DCLK1: variants seen among roughly 807,000 people sequenced by gnomAD.
The protein encoded by DCLK1 is doublecortin like kinase 1.
A neutral mutation model predicts 86.2 loss-of-function variants in DCLK1; 16 were observed. That is an observed-to-expected ratio of 0.19 (90% CI 0.13 to 0.28). DCLK1 has a LOEUF of 0.28. DCLK1 is among the 10% of genes least tolerant of loss of function. DCLK1 has a pLI of 1.00. For missense variants in DCLK1, 590 were observed against 940.2 expected (o/e 0.63, Z 4.87); for synonymous variants, 369 against 370.5 (o/e 1.00, Z 0.05).
chr13:36,121,182 A>G (rs1180446375), intron 2 of DCLK1, among the ~76,000 whole-genome samples: 2 of 152,264 alleles, frequency 1.3e-5, no homozygotes, highest in Non-Finnish European at 2.9e-5. Flanking sequence ...TGAAGTCAGT[A>G]AAAGAACACA....
At chr13:35,777,992 C>G (rs78491768) in intron 16 of DCLK1, among the ~76,000 whole-genome samples, 3,413 of 152,294 alleles carry the variant, frequency 0.022, 121 homozygotes, top group African/African-American at 0.076. Context: ...CAAGGTCAAG[C>G]GTTGGACATC....
rs184900461 is a variant in DCLK1 at position 36,074,621 on chromosome 13, G to A, written c.723+37248C>T. ...CAAGTGACTGAAAAAATAGAGTTGA[G>A]GACAAAGATGCTCTAAAATGCTACA... On this transcript the variant is annotated intron_variant, in intron 3 of 16. Transcript: ENST00000360631. Among the ~76,000 whole-genome samples, 153 of 151,782 alleles carry A rather than the reference G, an allele frequency of 1.0e-3. 1 individual carries two copies. Among genetic ancestry groups the A allele is most frequent in the Non-Finnish European group, 1.6e-3 (110 of 67,964 alleles).
chr13:35,822,054 T>C (rs752126641), intron 11 of DCLK1, among the ~76,000 whole-genome samples: 4 of 152,172 alleles, frequency 2.6e-5, no homozygotes, highest in African/African-American at 9.7e-5. Context: ...GATCATATTA[T>C]TGAGCTGTAA....
At chr13:35,935,838 C>A (rs999129888) in intron 4 of DCLK1, among the ~76,000 whole-genome samples, 5 of 152,100 alleles carry the variant, frequency 3.3e-5, no homozygotes, top group African/African-American at 1.2e-4. Flanking sequence ...CATCTCCAAG[C>A]CTTAATTTCC....
intron 16 of DCLK1, among the ~76,000 whole-genome samples, chr13:35,783,206 T>C (rs1023382356): frequency 6.6e-6 from 1 of 152,274 alleles, no homozygotes; most frequent in Non-Finnish European, 1.5e-5. Flanking sequence ...AAACAGTTTA[T>C]GATTCTACTT....
In DCLK1 at chr13:35,769,057, C is replaced by T. The variant is rs1461379436; in HGVS notation, c.*5478G>A. The stretch of plus-strand genomic sequence containing the variant: ...AAAAACAGGCAACATCAAAAAAGCT[C>T]AGTTGATAAATGAACATAATATATC... On this transcript the variant is annotated 3_prime_UTR_variant, in exon 17 of 17. Transcript: ENST00000360631. The T allele has an allele frequency of 6.6e-6, 1 of 152,182 alleles. No individual in the cohort carries two copies. The highest frequency in any genetic ancestry group is 1.5e-5 in the Non-Finnish European group (1 of 68,020). The allele number at this position is 152,182 out of a possible 1,614,324, so 9.4% of individuals were successfully genotyped here.
intron 4 of DCLK1, among the ~76,000 whole-genome samples, chr13:35,924,834 C>A (rs572634983): frequency 2.0e-5 from 3 of 152,286 alleles, no homozygotes; most frequent in East Asian, 1.9e-4. Flanking sequence ...AAAGCCAAAC[C>A]TGGCCCATTG....
In DCLK1 at chr13:35,864,292, G is replaced by A. The variant is rs755751317; in HGVS notation, c.940+6932C>T. On this transcript the variant is annotated intron_variant, in intron 5 of 16. Coordinates refer to ENST00000360631, the MANE Select transcript of DCLK1 (RefSeq NM_001330071.2). Reference sequence around the variant, plus strand: ...TAAAAAGTTGGCTATCTGGCCGGGCGCGGTGGCTCACGCCTGTAATCCCAG... The same window carrying A: ...TAAAAAGTTGGCTATCTGGCCGGGCACGGTGGCTCACGCCTGTAATCCCAG... Among the ~76,000 whole-genome samples the A allele has an allele frequency of 3.5e-4, 26 of 75,168 alleles. 6 individuals carry two copies. The highest frequency in any genetic ancestry group is 5.5e-4 in the Non-Finnish European group (21 of 38,374). 49.3% of individuals were successfully genotyped at this position (75,168 alleles called of 152,430 possible). A position where few individuals can be genotyped will look rare whatever the true frequency, so the allele number is the denominator to read the frequency against.
At chr13:35,885,579 G>T (rs574632898) in intron 4 of DCLK1, among the ~76,000 whole-genome samples, 1 of 152,126 alleles carries the variant, frequency 6.6e-6, no homozygotes, top group Non-Finnish European at 1.5e-5. Context: ...TAATCAAGAG[G>T]TTTTACTTTC....
chr13:35,894,164 T>G (rs1750907), intron 4 of DCLK1, among the ~76,000 whole-genome samples: 150,838 of 152,176 alleles, frequency 0.99, 74,772 homozygotes, highest in Middle Eastern at 1. Flanking sequence ...ACCAAACCCT[T>G]GTATCTGAAA....
intron 3 of DCLK1, among the ~76,000 whole-genome samples, chr13:35,956,915 C>G (rs554916704): frequency 4.9e-4 from 74 of 152,270 alleles, no homozygotes; most frequent in Non-Finnish European, 7.5e-4. Context: ...GCTCCTCTGG[C>G]CTGGATTCAG....
chr13:35,787,249 G>A (rs1288596164), intron 16 of DCLK1, among the ~76,000 whole-genome samples: 35 of 150,154 alleles, frequency 2.3e-4, no homozygotes, highest in Admixed American at 2.3e-3. Context: ...AGGCTCCACA[G>A]TTTGGAAAAA....
In DCLK1 at chr13:35,773,842, G is replaced by A. The variant is rs1402125340; in HGVS notation, c.*693C>T. 1 of 149,810 alleles carries A rather than the reference G, an allele frequency of 6.7e-6. No individual in the cohort carries two copies. The highest frequency in any genetic ancestry group is 2.1e-4 in the East Asian group (1 of 4,746). The allele number at this position is 149,810 out of a possible 1,614,324, so 9.3% of individuals were successfully genotyped here. On this transcript the variant is annotated 3_prime_UTR_variant, in exon 17 of 17. Transcript: ENST00000360631. ...GGCGTCATCAGTACATCTTCATGTG[G>A]AGACAATTTGGGGGGCACCATCTAT...
At chr13:35,947,096 C>T (rs1877424783) in intron 4 of DCLK1, among the ~76,000 whole-genome samples, 1 of 152,022 alleles carries the variant, frequency 6.6e-6, no homozygotes, top group African/African-American at 2.4e-5. Context: ...TTCTACATAA[C>T]ATCAATTTAA....
chr13:35,982,544 T>A (rs2153141891), intron 3 of DCLK1, among the ~76,000 whole-genome samples: 1 of 150,928 alleles, frequency 6.6e-6, no homozygotes, highest in South Asian at 2.1e-4. Context: ...TCCATTAATT[T>A]CTAAAACCAG....
At chr13:36,124,999 T>C (rs764439320) in intron 2 of DCLK1, among the ~76,000 whole-genome samples, 1 of 152,192 alleles carries the variant, frequency 6.6e-6, no homozygotes, top group Non-Finnish European at 1.5e-5. Flanking sequence ...GAGGCAAGTG[T>C]AGCCCAGAGT....
intron 1 of DCLK1, among the ~76,000 whole-genome samples, chr13:36,128,037 G>A (rs930602572): frequency 5.9e-5 from 9 of 152,152 alleles, no homozygotes; most frequent in African/African-American, 2.2e-4. Flanking sequence ...CCTTTCTGAA[G>A]GTCAGTGAAC....
intron 15 of DCLK1, among the ~76,000 whole-genome samples, chr13:35,797,539 A>G (rs2086836498): frequency 6.6e-6 from 1 of 152,182 alleles, no homozygotes; most frequent in African/African-American, 2.4e-5. Context: ...TTCACATTGA[A>G]GCAATGCAAG....
At chr13:36,052,642 T>C (rs1283153288) in intron 3 of DCLK1, among the ~76,000 whole-genome samples, 1 of 151,938 alleles carries the variant, frequency 6.6e-6, no homozygotes, top group Non-Finnish European at 1.5e-5. Context: ...ACTGAAAACA[T>C]GAGAAGTAAA....
Sources: gnomAD v4.1 joint callset for allele counts (sites outside exome capture counted in the v4.1 genomes callset) on GRCh38, gnomAD v4.1.1 for gene constraint, MANE v1.5 for transcripts, NCBI Gene and HGNC (gene_info 2026-07-23, HGNC 2026-07-21) for gene names.